The following PUDP variants were observed in gnomAD, a reference collection of about 807,000 sequenced individuals.
PUDP encodes pseudouridine-5'-phosphatase.
In PUDP, 8 loss-of-function variants were observed where a neutral mutation model predicts 9.4. The ratio of observed to expected loss-of-function variants is 0.85; its 90% confidence interval spans 0.50 to 1.53. PUDP has a LOEUF of 1.53. Ranked by LOEUF, PUDP falls within the 40% of genes most tolerant of loss-of-function variation. The pLI is 0.00. For missense variants in PUDP, 188 were observed against 189.7 expected (o/e 0.99, Z 0.05); for synonymous variants, 99 against 80.7 (o/e 1.23, Z -1.22).
intron 2 of PUDP, among the ~76,000 whole-genome samples, chrX:7,084,184 C>T (rs1249015248): frequency 1.8e-5 from 2 of 111,799 alleles, no homozygotes; most frequent in Non-Finnish European, 3.8e-5. Flanking sequence ...ACCCTTGTAA[C>T]CCGCTGGGAT....
At chrX:7,116,906 T>TC in intron 1 of PUDP, 2 of 1,154,150 alleles carry the variant, frequency 1.7e-6, no homozygotes, top group Non-Finnish European at 2.3e-6. Flanking sequence ...GCATGGTACC[T>TC]CCCCCCAACT....
chrX:6,714,948 G>A (rs1924581796), intron 1 of PUDP, among the ~76,000 whole-genome samples: 1 of 107,234 alleles, frequency 9.3e-6, no homozygotes, highest in Admixed American at 1.0e-4. Context: ...TTCTGCAGGA[G>A]ATAGATATAG....
At chrX:6,747,723 T>C (rs1156495393) in intron 3 of PUDP, among the ~76,000 whole-genome samples, 1 of 112,406 alleles carries the variant, frequency 8.9e-6, no homozygotes, top group Admixed American at 9.4e-5. Context: ...ATATACCAAG[T>C]GATGTATTGT....
At position 7,088,495 on chromosome X, in the gene PUDP, C is replaced by G. The variant is rs1462511401; in HGVS notation, c.281-11046G>C. Among the ~76,000 whole-genome samples the G allele has an allele frequency of 1.7e-4, 19 of 112,077 alleles. No individual in the cohort carries two copies. The Admixed American group carries it at 1.8e-3, about 11-fold the overall frequency. On this transcript the variant is annotated intron_variant, in intron 2 of 3. Transcript: ENST00000381077. Reference sequence around the variant, plus strand: ...CTTGACACCTTAATGTTAAAAATGACTCAATATTTCCCTGTGCTGTAGATT... The same window carrying G: ...CTTGACACCTTAATGTTAAAAATGAGTCAATATTTCCCTGTGCTGTAGATT...
intron 3 of PUDP, among the ~76,000 whole-genome samples, chrX:6,784,814 G>C (rs1353716816): frequency 8.9e-6 from 1 of 112,304 alleles, no homozygotes; most frequent in African/African-American, 3.2e-5. Flanking sequence ...GAGTGAAAAT[G>C]AATGTGCAAC....
chrX:6,923,736 T>G (rs965835527), intron 3 of PUDP, among the ~76,000 whole-genome samples: 1 of 111,297 alleles, frequency 9.0e-6, no homozygotes, highest in Admixed American at 9.6e-5. Context: ...TCTTCTCATC[T>G]CTTCACCCCG....
intron 3 of PUDP, among the ~76,000 whole-genome samples, chrX:6,728,728 G>C (rs1374634446): frequency 1.8e-5 from 2 of 111,461 alleles, no homozygotes; most frequent in Non-Finnish European, 3.8e-5. Context: ...TAGCATCTTG[G>C]ACTGCCATGG....
intron 3 of PUDP, among the ~76,000 whole-genome samples, chrX:6,913,818 T>C (rs934720753): frequency 2.7e-5 from 3 of 111,476 alleles, no homozygotes; most frequent in Non-Finnish European, 3.8e-5. Flanking sequence ...CTAGTGTTGT[T>C]AGTTTTACTT....
rs191323688 is a variant in PUDP at position 7,124,415 on chromosome X, G to A, written c.62-18577C>T. On this transcript the variant is annotated intron_variant, in intron 1 of 3. Coordinates refer to ENST00000381077, the MANE Select transcript of PUDP (RefSeq NM_012080.5). Reference sequence around the variant, plus strand: ...GTGGAGGGAAATTATGGCTACAAACGTCTGCACTAAAAAAGTATGTTCAAA... The same window carrying A: ...GTGGAGGGAAATTATGGCTACAAACATCTGCACTAAAAAAGTATGTTCAAA... Among the ~76,000 whole-genome samples the A allele has an allele frequency of 4.8e-3, 538 of 111,598 alleles. 6 individuals are homozygous for A. Among genetic ancestry groups the A allele is most frequent in the African/African-American group, 0.016 (502 of 30,724 alleles).
rs190700437 is a variant in PUDP, at chrX:6,930,376, A to C, written c.*247+46757T>G. 7.2e-5 allele frequency among the ~76,000 whole-genome samples: 8 copies of C among 111,655 alleles called. No individual in the cohort carries two copies. In the East Asian group the frequency reaches 2.3e-3, roughly 32 times the overall value. ...GCTGGTCAAATCCACCAAAACCAAG[A>C]TAGTGACAAAAGTGACCTCTGGCTG... is the stretch of plus-strand genomic sequence containing the variant. On this transcript the variant is annotated intron_variant and NMD_transcript_variant, in intron 3 of 3. Transcript: ENST00000655425.
chrX:7,130,323 T>G, intron 1 of PUDP, among the ~76,000 whole-genome samples: 1 of 109,555 alleles, frequency 9.1e-6, no homozygotes, highest in Non-Finnish European at 1.9e-5. Context: ...GATTGGAGAA[T>G]GACTAGGGAT....
chrX:7,029,607 C>T (rs1482613304), intron 1 of PUDP, among the ~76,000 whole-genome samples: 3 of 111,782 alleles, frequency 2.7e-5, no homozygotes, highest in Non-Finnish European at 3.8e-5. Flanking sequence ...AAGAAAATAT[C>T]CCTGCAGACA....
At chrX:6,935,683 A>G (rs1928286013) in intron 3 of PUDP, among the ~76,000 whole-genome samples, 1 of 19,446 alleles carries the variant, frequency 5.1e-5, no homozygotes, top group Non-Finnish European at 9.5e-5. Context: ...CAAAAAATTA[A>G]TGAATCCAGG....
intron 3 of PUDP, among the ~76,000 whole-genome samples, chrX:6,963,959 G>C (rs1327267722): frequency 8.9e-6 from 1 of 111,961 alleles, no homozygotes; most frequent in Non-Finnish European, 1.9e-5. Flanking sequence ...TTTTTCATTC[G>C]TCACATTTTC....
intron 3 of PUDP, among the ~76,000 whole-genome samples, chrX:6,829,446 A>G (rs750881841): frequency 8.9e-6 from 1 of 111,856 alleles, no homozygotes. Context: ...GTTTCGTTTT[A>G]TAAGAAATTG....
chrX:6,751,455 C>T (rs1925082853), intron 3 of PUDP, among the ~76,000 whole-genome samples: 1 of 111,528 alleles, frequency 9.0e-6, no homozygotes. Context: ...TTGCCTCTTC[C>T]ATTTCTATGT....
At chrX:7,056,729 ACAGGACTTAGAGC>A (rs1930255137) in intron 3 of PUDP, among the ~76,000 whole-genome samples, 2 of 111,524 alleles carry the variant, frequency 1.8e-5, no homozygotes, top group African/African-American at 6.5e-5. Flanking sequence ...TGTCCTGGGT[ACAGGACTTAGAGC>A]CACAAAGGGG....
chrX:6,968,072 G>A (rs909922544), intron 3 of PUDP, among the ~76,000 whole-genome samples: 3 of 112,110 alleles, frequency 2.7e-5, no homozygotes, highest in Non-Finnish European at 5.6e-5. Context: ...GTATAAAAAT[G>A]GATAGTTTCC....
At chrX:6,877,113 T>C (rs942206364) in intron 3 of PUDP, among the ~76,000 whole-genome samples, 1 of 109,925 alleles carries the variant, frequency 9.1e-6, no homozygotes, top group Admixed American at 9.7e-5. Flanking sequence ...TGTGCCACCA[T>C]GCCTGGCTAA....
Sources: gnomAD v4.1 joint callset for allele counts (sites outside exome capture counted in the v4.1 genomes callset) on GRCh38, gnomAD v4.1.1 for gene constraint, MANE v1.5 for transcripts, NCBI Gene and HGNC (gene_info 2026-07-23, HGNC 2026-07-21) for gene names.